The following SYTL2 variants were observed in gnomAD, a reference collection of about 807,000 sequenced individuals.
SYTL2 encodes the protein synaptotagmin-like protein 2.
In SYTL2, 165 loss-of-function variants were observed where a neutral mutation model predicts 198.7. That is an observed-to-expected ratio of 0.83 (90% CI 0.73 to 0.94). The LOEUF is 0.94. Ranked by LOEUF, SYTL2 falls within the 40% of genes least tolerant of loss-of-function variation. The pLI is 0.00. For missense variants in SYTL2, 2,835 were observed against 2,582.8 expected (o/e 1.10, Z -2.12); for synonymous variants, 966 against 917.7 (o/e 1.05, Z -0.95).
chr11:85,736,898 C>A (rs2090384273), intron 5 of SYTL2, among the ~76,000 whole-genome samples: 2 of 151,996 alleles, frequency 1.3e-5, no homozygotes, highest in Non-Finnish European at 2.9e-5. Flanking sequence ...AAAACTTGGC[C>A]CCGGATATAG....
At chr11:85,809,122 T>C (rs879866458) in intron 1 of SYTL2, among the ~76,000 whole-genome samples, 24 of 152,352 alleles carry the variant, frequency 1.6e-4, no homozygotes, top group Admixed American at 1.4e-3. Context: ...CAGACCACTC[T>C]GCACAAGGTG....
intron 1 of SYTL2, among the ~76,000 whole-genome samples, chr11:85,804,012 A>C (rs2092925547): frequency 6.6e-6 from 1 of 152,242 alleles, no homozygotes; most frequent in African/African-American, 2.4e-5. Context: ...TTTTCTAAGT[A>C]AAGGACTATA....
Position 85,700,499 on chromosome 11 carries a change from G to C in SYTL2, c.6268+16C>G, listed in dbSNP as rs372250462. On this transcript the variant is annotated intron_variant, in intron 17 of 19. Coordinates refer to ENST00000359152, the MANE Select transcript of SYTL2 (RefSeq NM_206927.4). The stretch of plus-strand genomic sequence containing the variant: ...TAAGGAAAGGACATAAATCTGAATA[G>C]AAAGTCATTACATACCAGGGACTGG... 9 of 1,596,736 alleles carry C rather than the reference G, an allele frequency of 5.6e-6. No homozygotes were observed. The highest frequency in any genetic ancestry group is 7.7e-6 in the Non-Finnish European group (9 of 1,164,376).
rs2090095339 is a variant in SYTL2 at position 85,733,999 on chromosome 11, G to A, written c.1330C>T (p.Pro444Ser). The stretch of plus-strand genomic sequence containing the variant: ...GTTAATTCTGATGATTTATCTTTGG[G>A]TTCATTGATGGTTGGTGAATTCTCC... ...SMENSPTINE[P>S]KDKSSELTRL... Residue 444 changes from proline (P) to serine (S), a missense_variant, in exon 7 of 20, where the codon CCC becomes TCC. This residue lies in a region of SYTL2 where 2,645 missense variants were observed against 2,381.7 expected (regional missense o/e 1.11). Transcript: ENST00000359152. 4.3e-6 allele frequency: 7 copies of A among 1,614,126 alleles called. No homozygotes were observed. The highest frequency in any genetic ancestry group is 5.1e-6 in the Non-Finnish European group (6 of 1,179,976).
intron 4 of SYTL2, 44 bp from the exon 5 acceptor site, chr11:85,737,700 G>A: frequency 6.5e-7 from 1 of 1,532,958 alleles, no homozygotes; most frequent in Non-Finnish European, 9.0e-7. Context: ...CTCACCTTTT[G>A]AGGAATCATA....
the SYTL2 span, among the ~76,000 whole-genome samples, chr11:85,844,528 T>C: frequency 1.3e-5 from 2 of 152,192 alleles, no homozygotes; most frequent in Admixed American, 1.3e-4. Context: ...GGTGGTGTGG[T>C]AATAGTAGTT....
At chr11:85,791,099 G>A (rs1000064276) in intron 1 of SYTL2, among the ~76,000 whole-genome samples, 34 of 140,754 alleles carry the variant, frequency 2.4e-4, no homozygotes, top group Admixed American at 6.2e-4. Context: ...CCCCAGAGAC[G>A]GAGGTTGCAA....
chr11:85,828,335 A>G, the SYTL2 span, among the ~76,000 whole-genome samples: 1 of 152,360 alleles, frequency 6.6e-6, no homozygotes, highest in Middle Eastern at 3.4e-3. Flanking sequence ...ATTAGTATGT[A>G]GGCAGTAAAT....
intron 1 of SYTL2, among the ~76,000 whole-genome samples, chr11:85,789,346 A>ATATATATATATATATATATATATATG (rs2092689690): frequency 6.5e-4 from 14 of 21,464 alleles, no homozygotes; most frequent in Non-Finnish European, 1.2e-3. Context: ...GTGTGTATAT[A>ATATATATATATATATATATATATATG]TATATATATA....
At chr11:85,769,569 C>T (rs956664131) in intron 1 of SYTL2, among the ~76,000 whole-genome samples, 1 of 152,176 alleles carries the variant, frequency 6.6e-6, no homozygotes, top group East Asian at 1.9e-4. Context: ...TTGTCTTAAG[C>T]CCCTAAGTTC....
chr11:85,704,740 T>C, intron 16 of SYTL2, 118 bp downstream of exon 16: 2 of 744,322 alleles, frequency 2.7e-6, no homozygotes, highest in Non-Finnish European at 4.2e-6. Context: ...TTTCCTCTAG[T>C]TTAAAATTCT....
intron 1 of SYTL2, among the ~76,000 whole-genome samples, chr11:85,801,280 C>T (rs1021965830): frequency 2.6e-5 from 4 of 151,966 alleles, no homozygotes; most frequent in Non-Finnish European, 5.9e-5. Flanking sequence ...CAAAAAGGGG[C>T]CTTAAACTTT....
At chr11:85,709,968 C>T (rs1451972600) in intron 13 of SYTL2, among the ~76,000 whole-genome samples, 4 of 152,326 alleles carry the variant, frequency 2.6e-5, no homozygotes, top group African/African-American at 9.6e-5. Context: ...CAGGCATGAG[C>T]CACCGCGCCC....
chr11:85,840,491 G>C, the SYTL2 span, among the ~76,000 whole-genome samples: 1 of 152,106 alleles, frequency 6.6e-6, no homozygotes, highest in South Asian at 2.1e-4. Flanking sequence ...CTATACTACA[G>C]GGCTACCAAA....
chr11:85,836,770 G>A, the SYTL2 span, among the ~76,000 whole-genome samples: 1 of 152,016 alleles, frequency 6.6e-6, no homozygotes, highest in South Asian at 2.1e-4. Flanking sequence ...GTTATACTTA[G>A]TATACTTTAT....
At chr11:85,759,257 AAAAG>A (rs1565996069) in intron 1 of SYTL2, among the ~76,000 whole-genome samples, 1 of 149,718 alleles carries the variant, frequency 6.7e-6, no homozygotes, top group Non-Finnish European at 1.5e-5. Flanking sequence ...AAAAAAAAAA[AAAAG>A]AAAGAAAAAA....
chr11:85,712,343 C>T (rs1395740271), intron 12 of SYTL2, among the ~76,000 whole-genome samples: 1 of 152,202 alleles, frequency 6.6e-6, no homozygotes, highest in Non-Finnish European at 1.5e-5. Context: ...TTAGCGCCTA[C>T]TGCATTCTAC....
intron 1 of SYTL2, among the ~76,000 whole-genome samples, chr11:85,796,968 C>T (rs190296727): frequency 1.6e-4 from 25 of 152,204 alleles, no homozygotes; most frequent in African/African-American, 5.3e-4. Flanking sequence ...GCTGGAGGAT[C>T]GCTTGGGCCC....
At chr11:85,749,150 A>G (rs2153528946) in intron 2 of SYTL2, among the ~76,000 whole-genome samples, 2 of 152,316 alleles carry the variant, frequency 1.3e-5, no homozygotes, top group Middle Eastern at 3.4e-3. Flanking sequence ...TAAAACCTAA[A>G]GAACAAACAA....
Sources: allele counts gnomAD v4.1 joint callset (sites outside exome capture counted in the v4.1 genomes callset), GRCh38; gene constraint gnomAD v4.1.1; regional missense constraint gnomAD v4.1.1; transcripts MANE v1.5; gene names NCBI Gene and HGNC (gene_info 2026-07-23, HGNC 2026-07-21).